Variants in CHD3 observed in about 807,000 individuals in gnomAD.
CHD3 encodes chromodomain helicase DNA binding protein 3.
CHD3 carries 52 observed loss-of-function variants against 248.9 expected under a neutral mutation model. That is an observed-to-expected ratio of 0.21 (90% CI 0.17 to 0.26). CHD3 has a LOEUF of 0.26. Ranked by LOEUF, CHD3 falls within the 10% of genes least tolerant of loss-of-function variation. The probability of loss-of-function intolerance (pLI) is 1.00; values close to 1 mark genes in which losing one functional copy is unlikely to be tolerated. For missense variants in CHD3, 1,482 were observed against 2,605.8 expected, an observed-to-expected ratio of 0.57 and a Z score of 9.39; for synonymous variants, 985 against 985.2, an observed-to-expected ratio of 1.00 and a Z score of 0.00.
At chr17:7,893,210 T>A in intron 4 of CHD3, 76 bp from the exon 5 acceptor site, 1 of 1,478,934 alleles carries the variant, frequency 6.8e-7, no homozygotes, top group Admixed American at 2.6e-5. Flanking sequence ...GTACATAGAT[T>A]TAATTGATGA....
In CHD3 at chr17:7,908,620, A is replaced by G; in HGVS notation, c.5262-77A>G. 1 of 1,599,538 alleles carries G rather than the reference A, an allele frequency of 6.3e-7. No homozygotes were observed. On this transcript the variant is annotated intron_variant, in intron 35 of 39. Transcript: ENST00000330494. The surrounding 1 kb of genome is among the most constrained non-coding windows in gnomAD (Gnocchi z 5.8). ...GCTAGTGCCACACTTTGGGGAGTCA[A>G]GCCAAAAGGAAGAAGTGTTCAAAGC...
At position 7,889,475 on chromosome 17, in the gene CHD3, A is replaced by C. The variant is rs1370129727; in HGVS notation, c.101-189A>C. 6.6e-6 allele frequency among the ~76,000 whole-genome samples: 1 copy of C among 152,196 alleles called. No homozygotes were observed. Among genetic ancestry groups the C allele is most frequent in the Admixed American group, 6.5e-5 (1 of 15,282 alleles). On this transcript the variant is annotated intron_variant, in intron 1 of 39. Transcript: ENST00000330494. The surrounding 1 kb of genome is among the most constrained non-coding windows in gnomAD (Gnocchi z 4.5). Reference sequence around the variant, plus strand: ...CTTCTCTTCTGACCCCTGACCTCCCATTCAGAACCAGAGCATCCCAGAGTA... The same window carrying C: ...CTTCTCTTCTGACCCCTGACCTCCCCTTCAGAACCAGAGCATCCCAGAGTA...
At chr17:7,886,160 C>A (rs1217789527), upstream of CHD3, among the ~76,000 whole-genome samples, 2 of 152,246 alleles carry the variant, frequency 1.3e-5, no homozygotes, top group African/African-American at 4.8e-5. This position sits in a 1 kb window ranked among gnomAD's most constrained non-coding sequence, Gnocchi z 4.2. Flanking sequence ...GAACTGCCCA[C>A]CCAGCTGTTC....
At chr17:7,886,790 A>G (rs1212563200), upstream of CHD3, among the ~76,000 whole-genome samples, 1 of 151,898 alleles carries the variant, frequency 6.6e-6, no homozygotes, top group Non-Finnish European at 1.5e-5. The surrounding 1 kb of genome is among the most constrained non-coding windows in gnomAD (Gnocchi z 4.2). Context: ...GCGCTCACCT[A>G]TTTGTATTGG....
chr17:7,901,071 T>C (rs1438273951), intron 19 of CHD3, 78 bp downstream of exon 19: 23 of 1,558,528 alleles, frequency 1.5e-5, no homozygotes, highest in Non-Finnish European at 3.5e-6. Flanking sequence ...GAGGTGGGTA[T>C]TGAGCCACAG....
Position 7,899,659 on chromosome 17 carries a change from C to T in CHD3, c.2544+116C>T, listed in dbSNP as rs1970076095. ...ACCTTTCTCCTCTTCCTCCACCTGTCCTCCTGTCTCTGCACTACCATCCTA... is the reference window on the plus strand; with the variant it reads ...ACCTTTCTCCTCTTCCTCCACCTGTTCTCCTGTCTCTGCACTACCATCCTA... On this transcript the variant is annotated intron_variant, in intron 15 of 39. Transcript: ENST00000330494. This position sits in a 1 kb window ranked among gnomAD's most constrained non-coding sequence, Gnocchi z 6.8. 1 of 1,122,046 alleles carries T rather than the reference C, an allele frequency of 8.9e-7. No individual in the cohort carries two copies. Among genetic ancestry groups the T allele is most frequent in the Non-Finnish European group, 1.3e-6 (1 of 770,840 alleles). The allele number at this position is 1,122,046 out of a possible 1,614,324, so 69.5% of individuals were successfully genotyped here.
In CHD3 at chr17:7,893,707, A is replaced by C; in HGVS notation, c.794-98A>C. On this transcript the variant is annotated intron_variant, in intron 5 of 39. Transcript: ENST00000330494. ...CCAGGAAGTGGGGCTTAGTGAAACC[A>C]CAGCCCACAGAGGAATCCAGAGGCC... is the stretch of plus-strand genomic sequence containing the variant. 1.6e-5 allele frequency: 25 copies of C among 1,536,058 alleles called. No individual in the cohort carries two copies. The South Asian group carries it at 2.6e-4, about 16-fold the overall frequency.
In CHD3 at chr17:7,907,373, C is replaced by T; in HGVS notation, c.4809C>T (p.Ala1603=). 1 of 1,606,700 alleles carries T rather than the reference C, an allele frequency of 6.2e-7. No individual in the cohort carries two copies. The highest frequency in any genetic ancestry group is 8.5e-7 in the Non-Finnish European group (1 of 1,176,228). Residue 1603 remains alanine (A), a synonymous_variant, in exon 32 of 40, where the codon GCC becomes GCT. Coordinates refer to ENST00000330494, the MANE Select transcript of CHD3 (RefSeq NM_001005273.3). The surrounding 1 kb of genome is among the most constrained non-coding windows in gnomAD (Gnocchi z 4.3). ...TCCAGGCTGATGCCCCCAGCCCAGC[C>T]CCATCACTTGGGGAGCGGCTGGAGC... ...METEADAPSP[A]PSLGERLEPR... is the part of the protein sequence containing the mutation.
chr17:7,910,688 C>A lies in CHD3; in HGVS notation c.5754+97C>A. 6.6e-7 allele frequency: 1 copy of A among 1,520,234 alleles called. No individual in the cohort carries two copies. The highest frequency in any genetic ancestry group is 8.9e-7 in the Non-Finnish European group (1 of 1,129,802). 94.2% of individuals were successfully genotyped at this position (1,520,234 alleles called of 1,614,324 possible). A position where few individuals can be genotyped will look rare whatever the true frequency, so the allele number is the denominator to read the frequency against. Reference sequence around the variant, plus strand: ...CAGAATCCTATACAATATGGAAAAACAACTTGCTAGAACACAGTCATCACC... The same window carrying A: ...CAGAATCCTATACAATATGGAAAAAAAACTTGCTAGAACACAGTCATCACC... On this transcript the variant is annotated intron_variant, in intron 38 of 39. Transcript: ENST00000330494. This position sits in a 1 kb window ranked among gnomAD's most constrained non-coding sequence, Gnocchi z 4.7.
chr17:7,903,433 C>T lies in CHD3; in HGVS notation c.3657C>T (p.Ser1219=), dbSNP rs567487765. The change falls in exon 23 of 40, where the codon TCC becomes TCT. Residue 1219 remains serine, a synonymous_variant. Transcript: ENST00000330494. The surrounding 1 kb of genome is among the most constrained non-coding windows in gnomAD (Gnocchi z 6.8). ...VRPGLGSKAG[S]MSKQELDDIL... ...CTGGGCTGGGCTCCAAGGCAGGCTC[C>T]ATGTCCAAGCAGGAGCTTGACGACA... The T allele has an allele frequency of 1.2e-6, 2 of 1,614,206 alleles. No homozygotes were observed. The highest frequency in any genetic ancestry group is 1.3e-5 in the African/African-American group (1 of 75,044).
rs1346411916 is a variant in CHD3 at position 7,895,249 on chromosome 17, C to T, written c.1504-90C>T. The T allele has an allele frequency of 3.2e-6, 5 of 1,582,338 alleles. No individual in the cohort carries two copies. In the East Asian group the frequency reaches 1.1e-4, roughly 35 times the overall value. On this transcript the variant is annotated intron_variant, in intron 9 of 39. Transcript: ENST00000330494. The surrounding 1 kb of genome is among the most constrained non-coding windows in gnomAD (Gnocchi z 4.9). The stretch of plus-strand genomic sequence containing the variant: ...CCAGCTTTTCATTTCTCTGCACTCC[C>T]CCACCCTTGTGGGACCCCTATCTTC...
At position 7,911,882 on chromosome 17, in the gene CHD3, A is replaced by G; in HGVS notation, c.*297A>G. 1.7e-6 allele frequency: 1 copy of G among 588,140 alleles called. No homozygotes were observed. The highest frequency in any genetic ancestry group is 2.7e-6 in the Non-Finnish European group (1 of 371,460). 36.4% of individuals were successfully genotyped at this position (588,140 alleles called of 1,614,324 possible). ...CCTCCCACACTGCCAAGTATACACA[A>G]CTTCCCAGTAAATGGTTGTGGGGAG... On this transcript the variant is annotated 3_prime_UTR_variant, in exon 40 of 40. Transcript: ENST00000330494. The surrounding 1 kb of genome is among the most constrained non-coding windows in gnomAD (Gnocchi z 5.4).
chr17:7,898,678 G>C, intron 13 of CHD3, 83 bp downstream of exon 13: 5 of 1,009,816 alleles, frequency 5.0e-6, no homozygotes, highest in Non-Finnish European at 7.5e-6. Flanking sequence ...GAACTTCCCA[G>C]AGATTCAGTA....
upstream of CHD3, among the ~76,000 whole-genome samples, chr17:7,885,744 C>A (rs74964036): frequency 1.3e-5 from 2 of 152,170 alleles, no homozygotes; most frequent in Non-Finnish European, 2.9e-5. Flanking sequence ...CTTAGGTGCC[C>A]GCCAACTGAG....
At position 7,899,250 on chromosome 17, in the gene CHD3, G is replaced by T; in HGVS notation, c.2343+48G>T. 1 of 1,602,746 alleles carries T rather than the reference G, an allele frequency of 6.2e-7. No homozygotes were observed. Among genetic ancestry groups the T allele is most frequent in the Non-Finnish European group, 8.5e-7 (1 of 1,170,778 alleles). On this transcript the variant is annotated intron_variant, in intron 14 of 39. Transcript: ENST00000330494. This position sits in a 1 kb window ranked among gnomAD's most constrained non-coding sequence, Gnocchi z 6.8. ...AGGGGACCGCCTGGACTGGGGAAGT[G>T]GGGAGGGGGAAGATAAAGGGGTGTA...
In CHD3 at chr17:7,889,015, C is replaced by T. The variant is rs1567831491; in HGVS notation, c.15C>T (p.Asp5=). Residue 5 remains aspartate, a synonymous_variant, in exon 1 of 40, where the codon GAC becomes GAT. Transcript: ENST00000330494. The surrounding 1 kb of genome is among the most constrained non-coding windows in gnomAD (Gnocchi z 4.5). MKAA[D]TVILWARSKN... is the part of the protein sequence containing the mutation. ...TCTCCTGTGTGATGAAGGCGGCAGA[C>T]ACTGTGATCCTGTGGGCAAGAAGTA... 1.9e-6 allele frequency: 3 copies of T among 1,614,204 alleles called. No individual in the cohort carries two copies. Among genetic ancestry groups the T allele is most frequent in the Non-Finnish European group, 2.5e-6 (3 of 1,180,042 alleles).
In CHD3 at chr17:7,901,378, G is replaced by T. The variant is rs368108786; in HGVS notation, c.3252+3G>T. On this transcript the variant is annotated splice_donor_region_variant and intron_variant, in intron 20 of 39. Transcript: ENST00000330494. The stretch of plus-strand genomic sequence containing the variant: ...ACCGAGTGCTCATCTTCTCGCAGGT[G>T]ACCTGTGCCCTTAGCTGTCTTTACA... The T allele has an allele frequency of 3.7e-6, 6 of 1,600,208 alleles. No individual in the cohort carries two copies. In the African/African-American group the frequency reaches 6.7e-5, roughly 18 times the overall value.
rs1467973129 is a variant in CHD3 at position 7,905,006 on chromosome 17, A to C, written c.4073-94A>C. ...ACCAAGGCCAGAATAAAGGTAGACA[A>C]GTCTCGGCAGGGAGGAATCCAGCCA... On this transcript the variant is annotated intron_variant, in intron 25 of 39. Transcript: ENST00000330494. This position sits in a 1 kb window ranked among gnomAD's most constrained non-coding sequence, Gnocchi z 5.8. 1.8e-6 allele frequency: 2 copies of C among 1,136,036 alleles called. No homozygotes were observed. Among genetic ancestry groups the C allele is most frequent in the Non-Finnish European group, 2.7e-6 (2 of 748,004 alleles). 70.4% of individuals were successfully genotyped at this position (1,136,036 alleles called of 1,614,324 possible).
At chr17:7,885,679 C>G (rs1296050898), upstream of CHD3, among the ~76,000 whole-genome samples, 1 of 152,124 alleles carries the variant, frequency 6.6e-6, no homozygotes, top group African/African-American at 2.4e-5. Flanking sequence ...CCGCTCAGGA[C>G]TTGGACAGGC....
Sources: gnomAD v4.1 joint callset for allele counts (sites outside exome capture counted in the v4.1 genomes callset) on GRCh38, gnomAD v4.1.1 for gene constraint, Gnocchi (gnomAD v3.1) non-coding constraint, MANE v1.5 for transcripts, NCBI Gene and HGNC (gene_info 2026-07-23, HGNC 2026-07-21) for gene names.